The following GLI2 variants were observed in gnomAD, a reference collection of about 807,000 sequenced individuals.
The protein encoded by GLI2 is transcription activator GLI2.
In GLI2, 22 loss-of-function variants were observed where a neutral mutation model predicts 78.9. The observed-to-expected ratio is 0.28, with a 90% CI of 0.20 to 0.40. The LOEUF is 0.40. Among genes scored for constraint, GLI2 ranks in the 10% least tolerant of loss-of-function variants. The probability of loss-of-function intolerance (pLI) is 1.00; values close to 1 mark genes in which losing one functional copy is unlikely to be tolerated. For synonymous variants in GLI2, 974 were observed against 963.7 expected, an observed-to-expected ratio of 1.01 and a Z score of -0.20; for missense variants, 2,097 against 2,213.2, an observed-to-expected ratio of 0.95 and a Z score of 1.05.
At chr2:120,788,773 G>T (rs1292056559) in intron 1 of GLI2, among the ~76,000 whole-genome samples, 2 of 152,178 alleles carry the variant, frequency 1.3e-5, no homozygotes, top group African/African-American at 2.4e-5. Flanking sequence ...TGGGGATTTT[G>T]TATGGTGCCC....
At chr2:120,839,572 AT>A (rs970226612) in intron 2 of GLI2, among the ~76,000 whole-genome samples, 1 of 151,272 alleles carries the variant, frequency 6.6e-6, no homozygotes, top group African/African-American at 2.4e-5. Flanking sequence ...TTTTTTATTT[AT>A]TTTTTTGAGA....
At chr2:120,825,753 C>G (rs576892923) in intron 2 of GLI2, among the ~76,000 whole-genome samples, 1 of 152,358 alleles carries the variant, frequency 6.6e-6, no homozygotes, top group East Asian at 1.9e-4. Context: ...ATGTCCCCCT[C>G]CTGGTGCTTC....
At chr2:120,821,655 A>G (rs1188885521) in intron 2 of GLI2, among the ~76,000 whole-genome samples, 1 of 152,146 alleles carries the variant, frequency 6.6e-6, no homozygotes, top group Non-Finnish European at 1.5e-5. Context: ...TCGTCTTTCT[A>G]ATAAACAGAG....
chr2:120,986,239 AC>A, intron 12 of GLI2, 38 bp from the exon 13 acceptor site: 1 of 1,572,970 alleles, frequency 6.4e-7, no homozygotes, highest in Non-Finnish European at 8.7e-7. Flanking sequence ...GGAATCTGAT[AC>A]CCTCTGAGTC....
chr2:120,773,670 G>C (rs1683589422), intron 1 of GLI2, among the ~76,000 whole-genome samples: 1 of 152,188 alleles, frequency 6.6e-6, no homozygotes, highest in African/African-American at 2.4e-5. Flanking sequence ...GCTGTGGGGT[G>C]AGGGAAGTGA....
rs551175760 is a variant in GLI2, at chr2:120,812,503, CAG to C, written c.148+15036_148+15037del. ...ATTACGATCCACAGGGTCATCCTCACAGGGGTTTTCGAAGGACTGACCGTGCT... is the reference window on the plus strand; with the variant it reads ...ATTACGATCCACAGGGTCATCCTCACGGGTTTTCGAAGGACTGACCGTGCT... On this transcript the variant is annotated intron_variant, in intron 2 of 13. Transcript: ENST00000361492. Among the ~76,000 whole-genome samples, 23 of 152,288 alleles carry C rather than the reference CAG, an allele frequency of 1.5e-4. No individual in the cohort carries two copies. The East Asian group carries it at 4.4e-3, about 29-fold the overall frequency.
chr2:120,959,267 T>G (rs934225276), intron 5 of GLI2, among the ~76,000 whole-genome samples: 11 of 152,134 alleles, frequency 7.2e-5, no homozygotes, highest in Admixed American at 2.0e-4. Flanking sequence ...CACATCTGGC[T>G]TCAGGACATG....
intron 1 of GLI2, among the ~76,000 whole-genome samples, chr2:120,783,291 T>A: frequency 6.6e-6 from 1 of 152,114 alleles, no homozygotes; most frequent in Non-Finnish European, 1.5e-5. Flanking sequence ...TGGCTTCCCA[T>A]ATGGGCTGGG....
intron 2 of GLI2, among the ~76,000 whole-genome samples, chr2:120,857,236 A>G (rs1182168402): frequency 6.6e-6 from 1 of 152,096 alleles, no homozygotes; most frequent in Non-Finnish European, 1.5e-5. Flanking sequence ...GTAGTGACAG[A>G]GAGATGACAG....
At chr2:120,832,716 C>A (rs1686423177) in intron 2 of GLI2, among the ~76,000 whole-genome samples, 1 of 152,104 alleles carries the variant, frequency 6.6e-6, no homozygotes, top group African/African-American at 2.4e-5. Flanking sequence ...CAAACCTGGG[C>A]TGGAAGGTAG....
chr2:120,878,071 T>G (rs1304824032), intron 2 of GLI2, among the ~76,000 whole-genome samples: 4 of 152,246 alleles, frequency 2.6e-5, no homozygotes, highest in Non-Finnish European at 5.9e-5. Flanking sequence ...ATGGATACAT[T>G]AAAGTGTTGA....
chr2:120,736,264 A>G lies in GLI2; in HGVS notation c.-52A>G, dbSNP rs1006489890. 6 of 151,930 alleles carry G rather than the reference A, an allele frequency of 3.9e-5. No individual in the cohort carries two copies. In the East Asian group the frequency reaches 1.2e-3, roughly 30 times the overall value. The allele number at this position is 151,930 out of a possible 1,614,324, so 9.4% of individuals were successfully genotyped here. Reference sequence around the variant, plus strand: ...GCCCGAGAGGCCACCTGCGTGCTAGAGGCAAACTTTTGTCTCTCTCGGTAA... The same window carrying G: ...GCCCGAGAGGCCACCTGCGTGCTAGGGGCAAACTTTTGTCTCTCTCGGTAA... On this transcript the variant is annotated 5_prime_UTR_variant, in exon 1 of 14. Coordinates refer to ENST00000361492, the MANE Select transcript of GLI2 (RefSeq NM_001374353.1).
chr2:120,776,622 C>T (rs1346176613), intron 1 of GLI2, among the ~76,000 whole-genome samples: 1 of 152,092 alleles, frequency 6.6e-6, no homozygotes, highest in Non-Finnish European at 1.5e-5. Flanking sequence ...GGGTGGAATG[C>T]AGGGGGACCT....
At chr2:120,839,840 G>A (rs993629859) in intron 2 of GLI2, among the ~76,000 whole-genome samples, 2 of 152,236 alleles carry the variant, frequency 1.3e-5, no homozygotes, top group African/African-American at 4.8e-5. Flanking sequence ...TGGGATTACA[G>A]GCGTGAGCCA....
intron 2 of GLI2, among the ~76,000 whole-genome samples, chr2:120,882,121 C>T (rs1287278563): frequency 2.0e-5 from 3 of 152,086 alleles, no homozygotes; most frequent in African/African-American, 4.8e-5. Context: ...TGTGAGTTTA[C>T]GTCTGGTCTC....
intron 13 of GLI2, among the ~76,000 whole-genome samples, chr2:120,987,431 C>G (rs1264085746): frequency 2.0e-5 from 3 of 152,152 alleles, no homozygotes; most frequent in Non-Finnish European, 4.4e-5. Flanking sequence ...AATGACTGGT[C>G]ACTGCAGGAG....
At chr2:120,815,412 A>G (rs1336259931) in intron 2 of GLI2, among the ~76,000 whole-genome samples, 3 of 152,192 alleles carry the variant, frequency 2.0e-5, no homozygotes, top group Non-Finnish European at 2.9e-5. Flanking sequence ...GGCGGAAGTG[A>G]GAGTAAAAGC....
chr2:120,935,569 C>A (rs1680160308), intron 3 of GLI2, among the ~76,000 whole-genome samples: 1 of 152,174 alleles, frequency 6.6e-6, no homozygotes, highest in Admixed American at 6.5e-5. Context: ...TGTCATGTCA[C>A]CCTCCCTGCA....
At chr2:120,791,527 C>T (rs1684157702) in intron 1 of GLI2, among the ~76,000 whole-genome samples, 1 of 152,234 alleles carries the variant, frequency 6.6e-6, no homozygotes, top group Admixed American at 6.5e-5. Context: ...TGGCGGTGTG[C>T]TCTTCACTCT....
Sources: allele counts gnomAD v4.1 joint callset (sites outside exome capture counted in the v4.1 genomes callset), GRCh38; gene constraint gnomAD v4.1.1; transcripts MANE v1.5; gene names NCBI Gene and HGNC (gene_info 2026-07-23, HGNC 2026-07-21).